AGBL4: variants seen among roughly 807,000 people sequenced by gnomAD.
AGBL4 encodes cytosolic carboxypeptidase 6.
In AGBL4, 58 loss-of-function variants were observed where a neutral mutation model predicts 66.4. The ratio of observed to expected loss-of-function variants is 0.87; its 90% CI spans 0.71 to 1.09. AGBL4 has a LOEUF of 1.09. AGBL4 is among the 50% of genes least tolerant of loss of function. AGBL4 has a pLI of 0.00. For synonymous variants in AGBL4, 234 were observed against 222.9 expected, an observed-to-expected ratio of 1.05 and a Z score of -0.44; for missense variants, 579 against 631.0, an observed-to-expected ratio of 0.92 and a Z score of 0.88.
chr1:49,571,574 T>C (rs1644331737), intron 3 of AGBL4, among the ~76,000 whole-genome samples: 1 of 152,134 alleles, frequency 6.6e-6, no homozygotes, highest in African/African-American at 2.4e-5. Flanking sequence ...TTGTTTCTCT[T>C]GGCTGCCTGC....
At chr1:49,176,942 T>C (rs1238897954) in intron 4 of AGBL4, among the ~76,000 whole-genome samples, 3 of 152,078 alleles carry the variant, frequency 2.0e-5, no homozygotes, top group African/African-American at 4.8e-5. Context: ...TTAAATTCAA[T>C]AGCAAAAGAA....
At chr1:49,056,823 C>G (rs1334127746) in intron 4 of AGBL4, among the ~76,000 whole-genome samples, 1 of 152,048 alleles carries the variant, frequency 6.6e-6, no homozygotes, top group African/African-American at 2.4e-5. Flanking sequence ...TATAGGATTT[C>G]TTGATGGATT....
chr1:49,640,981 A>G (rs1457508783), intron 3 of AGBL4, among the ~76,000 whole-genome samples: 1 of 152,128 alleles, frequency 6.6e-6, no homozygotes, highest in Non-Finnish European at 1.5e-5. Flanking sequence ...ATCGGTGCTC[A>G]CTACCTGGGT....
At chr1:49,621,078 A>G (rs1292293274) in intron 3 of AGBL4, among the ~76,000 whole-genome samples, 2 of 152,194 alleles carry the variant, frequency 1.3e-5, no homozygotes, top group East Asian at 1.9e-4. Flanking sequence ...AAAGCACCCC[A>G]TGCCACGCCA....
chr1:48,798,770 G>A (rs1276058639), intron 6 of AGBL4, among the ~76,000 whole-genome samples: 1 of 152,120 alleles, frequency 6.6e-6, no homozygotes, highest in Non-Finnish European at 1.5e-5. Flanking sequence ...TGGATAGGGT[G>A]TCCTTTCCCC....
At chr1:48,938,890 AAC>A (rs1655707681) in intron 5 of AGBL4, among the ~76,000 whole-genome samples, 1 of 152,192 alleles carries the variant, frequency 6.6e-6, no homozygotes, top group South Asian at 2.1e-4. Context: ...CCTGTTACTG[AAC>A]ACTTACCCTG....
At chr1:49,389,428 T>A (rs1644802232) in intron 3 of AGBL4, among the ~76,000 whole-genome samples, 1 of 152,144 alleles carries the variant, frequency 6.6e-6, no homozygotes, top group African/African-American at 2.4e-5. Flanking sequence ...AACTAAGTAC[T>A]ATTACTCTCA....
intron 3 of AGBL4, among the ~76,000 whole-genome samples, chr1:49,367,811 G>A (rs1367797156): frequency 6.6e-6 from 1 of 152,078 alleles, no homozygotes. Flanking sequence ...CCAATTCAGT[G>A]GCACCTAAGA....
chr1:50,013,077 T>C (rs568716499), intron 1 of AGBL4, among the ~76,000 whole-genome samples: 8 of 152,174 alleles, frequency 5.3e-5, no homozygotes, highest in Non-Finnish European at 8.8e-5. Context: ...AGTTCCTTAA[T>C]TGAAGAAACT....
intron 4 of AGBL4, among the ~76,000 whole-genome samples, chr1:49,104,010 T>C (rs1273481911): frequency 1.3e-5 from 2 of 152,188 alleles, no homozygotes; most frequent in Non-Finnish European, 2.9e-5. Flanking sequence ...CACCGACTCA[T>C]GTTCAGCCTA....
At chr1:49,790,681 G>A (rs1185257270) in intron 2 of AGBL4, among the ~76,000 whole-genome samples, 1 of 152,110 alleles carries the variant, frequency 6.6e-6, no homozygotes, top group Non-Finnish European at 1.5e-5. Flanking sequence ...TAAAACAAGA[G>A]TGAAATGAAG....
At chr1:49,094,482 AT>A (rs1404680203) in intron 4 of AGBL4, among the ~76,000 whole-genome samples, 1 of 151,990 alleles carries the variant, frequency 6.6e-6, no homozygotes, top group Non-Finnish European at 1.5e-5. Context: ...TATATGCTGG[AT>A]TATGTTTATT....
At chr1:48,632,617 C>T (rs1315083592) in intron 9 of AGBL4, among the ~76,000 whole-genome samples, 1 of 152,160 alleles carries the variant, frequency 6.6e-6, no homozygotes, top group Non-Finnish European at 1.5e-5. Flanking sequence ...TTTTACTGTG[C>T]CTCATCATTC....
chr1:48,975,708 T>C (rs1196923804), intron 5 of AGBL4, among the ~76,000 whole-genome samples: 2 of 152,128 alleles, frequency 1.3e-5, no homozygotes, highest in Admixed American at 6.6e-5. Context: ...TTCTAATAGA[T>C]ATGAAGATAC....
rs541486072 is a variant in AGBL4, at chr1:49,882,080, G to A, written c.35-30562C>T. ...GATTTTCATATAAGGTGTAAGGAAG[G>A]GATCCAGTTTCAGCTTTCTACATAT... On this transcript the variant is annotated intron_variant, in intron 1 of 13. Coordinates refer to ENST00000371839, the MANE Select transcript of AGBL4 (RefSeq NM_032785.4). 9.2e-5 allele frequency among the ~76,000 whole-genome samples: 14 copies of A among 152,144 alleles called. No individual in the cohort carries two copies. The South Asian group carries it at 2.9e-3, about 32-fold the overall frequency.
intron 4 of AGBL4, among the ~76,000 whole-genome samples, chr1:49,132,748 G>C (rs1645925052): frequency 6.6e-6 from 1 of 152,178 alleles, no homozygotes; most frequent in South Asian, 2.1e-4. Context: ...AACAGATGCT[G>C]GTGAGGATGT....
chr1:49,516,312 G>C (rs1437890453), intron 3 of AGBL4, among the ~76,000 whole-genome samples: 1 of 151,948 alleles, frequency 6.6e-6, no homozygotes, highest in Non-Finnish European at 1.5e-5. Flanking sequence ...ACATAAGAGG[G>C]ACAACTAATT....
chr1:49,413,987 A>G (rs2148631116), intron 3 of AGBL4, among the ~76,000 whole-genome samples: 1 of 152,278 alleles, frequency 6.6e-6, no homozygotes, highest in African/African-American at 2.4e-5. Context: ...TAAAACAAAA[A>G]AAATCAGAAT....
chr1:48,771,433 C>T (rs1464709867), intron 6 of AGBL4, among the ~76,000 whole-genome samples: 1 of 152,174 alleles, frequency 6.6e-6, no homozygotes, highest in African/African-American at 2.4e-5. Context: ...TGCTTATGAA[C>T]CAGAACTCTG....
Sources: gnomAD v4.1 joint callset for allele counts (sites outside exome capture counted in the v4.1 genomes callset) on GRCh38, gnomAD v4.1.1 for gene constraint, MANE v1.5 for transcripts, NCBI Gene and HGNC (gene_info 2026-07-23, HGNC 2026-07-21) for gene names.